Variants in CCDC138 observed in about 807,000 individuals in gnomAD.
The protein encoded by CCDC138 is coiled-coil domain containing 138.
A neutral mutation model predicts 82.3 loss-of-function variants in CCDC138; 66 were observed. The observed-to-expected ratio is 0.80, with a 90% CI of 0.66 to 0.98. CCDC138 has a LOEUF of 0.98. Among genes scored for constraint, CCDC138 ranks in the 50% least tolerant of loss-of-function variants. CCDC138 has a pLI of 0.00. For missense variants in CCDC138, 816 were observed against 758.9 expected, an observed-to-expected ratio of 1.08 and a Z score of -0.88; for synonymous variants, 297 against 265.4, an observed-to-expected ratio of 1.12 and a Z score of -1.16.
At chr2:108,839,773 C>G (rs1053450706) in intron 11 of CCDC138, among the ~76,000 whole-genome samples, 1 of 151,380 alleles carries the variant, frequency 6.6e-6, no homozygotes, top group Admixed American at 6.6e-5. Context: ...GAAGATTCCT[C>G]AGGATTTTTA....
At chr2:108,863,764 CA>C (rs1693978999) in intron 13 of CCDC138, among the ~76,000 whole-genome samples, 2 of 152,186 alleles carry the variant, frequency 1.3e-5, no homozygotes, top group South Asian at 4.1e-4. Flanking sequence ...TTTCCCAGCA[CA>C]AAAGAGCTTT....
chr2:108,795,067 A>G (rs1369713002), intron 5 of CCDC138, among the ~76,000 whole-genome samples: 1 of 151,412 alleles, frequency 6.6e-6, no homozygotes, highest in Non-Finnish European at 1.5e-5. Flanking sequence ...ATATATAAAA[A>G]GTCTTCTTGT....
At chr2:108,799,801 T>G (rs1681590861) in intron 6 of CCDC138, among the ~76,000 whole-genome samples, 1 of 152,110 alleles carries the variant, frequency 6.6e-6, no homozygotes, top group Non-Finnish European at 1.5e-5. Flanking sequence ...GCTCCATTCC[T>G]TTTTTTCCCA....
chr2:108,875,186 A>G (rs1248481408), intron 14 of CCDC138, among the ~76,000 whole-genome samples: 1 of 151,818 alleles, frequency 6.6e-6, no homozygotes, highest in Non-Finnish European at 1.5e-5. Context: ...TTGTCAAATA[A>G]CTAGACAAGG....
chr2:108,840,842 C>CTGTCTCACCTAGGCTGAGGT (rs1689344250), intron 11 of CCDC138, among the ~76,000 whole-genome samples: 1 of 150,920 alleles, frequency 6.6e-6, no homozygotes, highest in Admixed American at 6.6e-5. Context: ...GAGCCTCACT[C>CTGTCTCACCTAGGCTGAGGT]ACTCTCTTAC....
At position 108,870,723 on chromosome 2, in the gene CCDC138, G is replaced by A. The variant is rs141584998; in HGVS notation, c.1694-2728G>A. ...CATTATGCTAAATGAAATAAGCCAG[G>A]CACAAAAGGATATATCTTCTATGAT... On this transcript the variant is annotated intron_variant, in intron 13 of 14. Coordinates refer to ENST00000295124, the MANE Select transcript of CCDC138 (RefSeq NM_144978.3). 2.0e-5 allele frequency among the ~76,000 whole-genome samples: 3 copies of A among 152,322 alleles called. No homozygotes were observed. In the East Asian group the frequency reaches 5.8e-4, roughly 29 times the overall value.
chr2:108,857,066 CTTTTTTTTTT>C (rs35540493), intron 13 of CCDC138, 96 bp downstream of exon 13: 8 of 42,058 alleles, frequency 1.9e-4, no homozygotes, highest in South Asian at 9.7e-4. Context: ...GATACTATTG[CTTTTTTTTTT>C]TTTTTTTTTT....
At chr2:108,840,390 A>T (rs1487739792) in intron 11 of CCDC138, among the ~76,000 whole-genome samples, 1 of 152,118 alleles carries the variant, frequency 6.6e-6, no homozygotes, top group African/African-American at 2.4e-5. Flanking sequence ...TTTCTGGGAG[A>T]AATTATGTAG....
chr2:108,807,134 AC>A (rs1444887642), intron 7 of CCDC138, among the ~76,000 whole-genome samples: 1 of 152,202 alleles, frequency 6.6e-6, no homozygotes, highest in Non-Finnish European at 1.5e-5. Context: ...GAAGAAAAAA[AC>A]CCCAGAGAAT....
chr2:108,824,785 T>A (rs950147136), intron 10 of CCDC138, among the ~76,000 whole-genome samples: 1 of 152,160 alleles, frequency 6.6e-6, no homozygotes, highest in African/African-American at 2.4e-5. Context: ...ACACCAGCAT[T>A]GTCACAAACA....
At position 108,858,914 on chromosome 2, in the gene CCDC138, C is replaced by T. The variant is rs561135913; in HGVS notation, c.1693+1944C>T. Among the ~76,000 whole-genome samples the T allele has an allele frequency of 1.9e-4, 29 of 152,212 alleles. 1 individual carries two copies. In the South Asian group the frequency reaches 5.6e-3, roughly 29 times the overall value. ...ATGTATCACATTTTCTTTATCTGAT[C>T]CACCACTGATGGGCACCTAGGTTGA... On this transcript the variant is annotated intron_variant, in intron 13 of 14. Coordinates refer to ENST00000295124, the MANE Select transcript of CCDC138 (RefSeq NM_144978.3).
chr2:108,871,370 TAAA>T (rs59725353), intron 13 of CCDC138, among the ~76,000 whole-genome samples: 3,758 of 76,886 alleles, frequency 0.049, 210 homozygotes, highest in African/African-American at 0.15. Context: ...CCAACTCTAT[TAAA>T]AAAAAAAAAA....
intron 12 of CCDC138, among the ~76,000 whole-genome samples, chr2:108,851,211 C>T (rs1056465934): frequency 3.3e-5 from 5 of 152,168 alleles, no homozygotes; most frequent in African/African-American, 1.2e-4. Flanking sequence ...TCTGTCCCCT[C>T]CCTGGAGCAC....
At chr2:108,817,859 C>T (rs1997120) in intron 10 of CCDC138, among the ~76,000 whole-genome samples, 127,510 of 152,178 alleles carry the variant, frequency 0.84, 53,490 homozygotes, top group East Asian at 0.95. Flanking sequence ...GTATTTGTTA[C>T]GGCAGCAATA....
chr2:108,808,706 T>G (rs1197660597), intron 7 of CCDC138, among the ~76,000 whole-genome samples: 1 of 152,172 alleles, frequency 6.6e-6, no homozygotes, highest in African/African-American at 2.4e-5. Flanking sequence ...TTATTTGGAT[T>G]ATTATTTTTT....
At chr2:108,854,898 G>A (rs1692338850) in intron 12 of CCDC138, among the ~76,000 whole-genome samples, 2 of 152,096 alleles carry the variant, frequency 1.3e-5, no homozygotes, top group African/African-American at 4.8e-5. Flanking sequence ...GGCAGTTTCT[G>A]CAAAAGACTT....
downstream of CCDC138, among the ~76,000 whole-genome samples, chr2:108,879,064 G>T (rs184920570): frequency 1.6e-3 from 250 of 152,276 alleles, 1 homozygote; most frequent in African/African-American, 5.5e-3. Context: ...TGAATGAAAT[G>T]GACTGTTCTC....
rs761784183 is a variant in CCDC138 at position 108,873,502 on chromosome 2, C to T, written c.1745C>T (p.Thr582Ile). ...TGTAGCAACTCTTTATTTTTTCGTA[C>T]TTGCTCTGTGCTGCTTCGAGCCCCT... is the stretch of plus-strand genomic sequence containing the variant. ...EACSNSLFFR[T>I]CSVLLRAPKL... Residue 582 changes from threonine to isoleucine, a missense_variant, in exon 14 of 15, where the codon ACT becomes ATT. Physicochemically the swap from Thr to Ile is moderately conservative, Grantham distance 89. Coordinates refer to ENST00000295124, the MANE Select transcript of CCDC138 (RefSeq NM_144978.3). 7 of 1,609,612 alleles carry T rather than the reference C, an allele frequency of 4.3e-6. No individual in the cohort carries two copies. Among genetic ancestry groups the T allele is most frequent in the African/African-American group, 1.3e-5 (1 of 74,852 alleles).
At chr2:108,831,993 G>A (rs192903615) in intron 10 of CCDC138, among the ~76,000 whole-genome samples, 62 of 151,630 alleles carry the variant, frequency 4.1e-4, no homozygotes, top group Admixed American at 2.2e-3. Flanking sequence ...TCGGCCTCCC[G>A]AAGTGCTGGG....
Sources: allele counts gnomAD v4.1 joint callset (sites outside exome capture counted in the v4.1 genomes callset), GRCh38; gene constraint gnomAD v4.1.1; transcripts MANE v1.5; gene names NCBI Gene and HGNC (gene_info 2026-07-23, HGNC 2026-07-21).